The following GALNT2 variants were observed in gnomAD, a reference collection of about 807,000 sequenced individuals.
GALNT2 encodes the protein UDP-GalNAc:polypeptide N-acetylgalactosaminyltransferase 2.
GALNT2 carries 31 observed loss-of-function variants against 81.4 expected under a neutral mutation model. The observed-to-expected ratio is 0.38, with a 90% CI of 0.29 to 0.51. GALNT2 has a LOEUF of 0.51. GALNT2 is among the 20% of genes least tolerant of loss of function. GALNT2 has a pLI of 0.87. For missense variants in GALNT2, 629 were observed against 765.7 expected, an observed-to-expected ratio of 0.82 and a Z score of 2.11; for synonymous variants, 303 against 287.4, an observed-to-expected ratio of 1.05 and a Z score of -0.55.
chr1:230,232,195 C>G (rs894981461), intron 3 of GALNT2, among the ~76,000 whole-genome samples: 1 of 152,186 alleles, frequency 6.6e-6, no homozygotes, highest in East Asian at 1.9e-4. Flanking sequence ...CATGTACATA[C>G]ACACACTCAC....
At chr1:230,114,574 G>A (rs1352709969) in intron 1 of GALNT2, among the ~76,000 whole-genome samples, 7 of 152,218 alleles carry the variant, frequency 4.6e-5, no homozygotes, top group Non-Finnish European at 7.3e-5. Flanking sequence ...GGGAAACAGC[G>A]TTGGCGGTGG....
In GALNT2 at chr1:230,236,104, C is replaced by T. The variant is rs201748075; in HGVS notation, c.465C>T (p.Thr155=). 4.0e-5 allele frequency: 64 copies of T among 1,613,942 alleles called. 1 individual carries two copies. The Admixed American group carries it at 6.5e-4, about 16-fold the overall frequency. ...AAGCCAGGTCGGCCCTACTCAGGAC[C>T]GTGGTCAGGTGAGGCCAGGAGATGC... ...HNEARSALLR[T]VVSVLKKSPP... Residue 155 remains threonine, a synonymous_variant, in exon 4 of 16, where the codon ACC becomes ACT. Transcript: ENST00000366672.
chr1:230,238,122 A>G (rs1436595170), intron 6 of GALNT2, among the ~76,000 whole-genome samples: 1 of 152,238 alleles, frequency 6.6e-6, no homozygotes, highest in Non-Finnish European at 1.5e-5. Flanking sequence ...ATGAGAAAAT[A>G]TGTGCACACT....
intron 1 of GALNT2, among the ~76,000 whole-genome samples, chr1:230,081,230 C>T (rs1439201797): frequency 2.6e-5 from 4 of 152,164 alleles, no homozygotes; most frequent in African/African-American, 9.7e-5. Context: ...CATGAGGAAG[C>T]TGGTCAGGGT....
rs1405508370 is a variant in GALNT2, at chr1:230,251,298, C to T, written c.1009+738C>T. 2.6e-5 allele frequency among the ~76,000 whole-genome samples: 4 copies of T among 152,076 alleles called. No individual in the cohort carries two copies. In the South Asian group the frequency reaches 6.2e-4, roughly 24 times the overall value. ...CTGCTGAGTGTTGTTAACTTACATT[C>T]GTCCTTGGGTGAGTGTACCCTGGAG... On this transcript the variant is annotated intron_variant, in intron 10 of 15. Transcript: ENST00000366672.
In GALNT2 at chr1:230,200,018, TTTATTGATACATTTA is replaced by T. The variant is rs1558136801; in HGVS notation, c.221-3115_221-3101del. On this transcript the variant is annotated intron_variant, in intron 2 of 15. Transcript: ENST00000366672. Reference sequence around the variant, plus strand: ...CACCCTCAGAGCACTTAGCTCAGTTTTTATTGATACATTTATTAGTATGGTCATTTAATTCTTTTT... The same window carrying T: ...CACCCTCAGAGCACTTAGCTCAGTTTTTAGTATGGTCATTTAATTCTTTTT... Among the ~76,000 whole-genome samples, 23 of 152,282 alleles carry T rather than the reference TTTATTGATACATTTA, an allele frequency of 1.5e-4. No homozygotes were observed. In the South Asian group the frequency reaches 4.8e-3, roughly 32 times the overall value.
At chr1:230,114,620 G>A (rs1660793336) in intron 1 of GALNT2, among the ~76,000 whole-genome samples, 1 of 152,194 alleles carries the variant, frequency 6.6e-6, no homozygotes, top group Non-Finnish European at 1.5e-5. Flanking sequence ...GTAAGTCCTG[G>A]ATGCCACCCG....
rs563805457 is a variant in GALNT2 at position 230,246,384 on chromosome 1, C to G, written c.817+234C>G. On this transcript the variant is annotated intron_variant, in intron 8 of 15. Transcript: ENST00000366672. ...TCCCTTTCTCCTCTTCCTTGACCTT[C>G]TGTCACTTTTGCGAGCCATGTGGTT... Among the ~76,000 whole-genome samples, 7 of 152,352 alleles carry G rather than the reference C, an allele frequency of 4.6e-5. 1 individual carries two copies. In the South Asian group the frequency reaches 1.5e-3, roughly 32 times the overall value.
At chr1:230,250,362 AGGG>A in intron 9 of GALNT2, 92 bp from the exon 10 acceptor site, 1 of 835,996 alleles carries the variant, frequency 1.2e-6, no homozygotes, top group Non-Finnish European at 2.0e-6. Context: ...GCTTATTGTT[AGGG>A]AATCAAGGCT....
chr1:230,200,614 A>G (rs1204072638), intron 2 of GALNT2, among the ~76,000 whole-genome samples: 3 of 152,106 alleles, frequency 2.0e-5, no homozygotes, highest in Admixed American at 2.0e-4. Context: ...GAGCACAAAG[A>G]GATGTATGGG....
At chr1:230,098,656 G>A (rs535279907) in intron 1 of GALNT2, among the ~76,000 whole-genome samples, 4 of 152,088 alleles carry the variant, frequency 2.6e-5, no homozygotes, top group Non-Finnish European at 5.9e-5. Flanking sequence ...AAAGGGATAC[G>A]TAGGACAATT....
Position 230,142,063 on chromosome 1 carries a change from G to A in GALNT2, c.127-36155G>A, listed in dbSNP as rs566878208. ...CTGCCTTGGCCTCCCAAAGTGCTGG[G>A]ATTACAGGTTTGAGCTACCACCCCT... On this transcript the variant is annotated intron_variant, in intron 1 of 15. Coordinates refer to ENST00000366672, the MANE Select transcript of GALNT2 (RefSeq NM_004481.5). 2.0e-4 allele frequency among the ~76,000 whole-genome samples: 31 copies of A among 152,148 alleles called. 1 individual carries two copies. In the South Asian group the frequency reaches 6.2e-3, roughly 31 times the overall value.
intron 1 of GALNT2, among the ~76,000 whole-genome samples, chr1:230,093,980 G>A (rs77601109): frequency 6.0e-4 from 89 of 147,568 alleles, no homozygotes; most frequent in African/African-American, 1.8e-3. Context: ...TCTTAAATGA[G>A]GGTAATAATA....
chr1:230,185,271 T>C (rs1245800785), intron 2 of GALNT2, among the ~76,000 whole-genome samples: 1 of 137,968 alleles, frequency 7.2e-6, no homozygotes, highest in East Asian at 2.0e-4. Flanking sequence ...TGTGCGTGCG[T>C]GCGTGTGTGT....
At chr1:230,240,104 T>C (rs1195174873) in intron 6 of GALNT2, among the ~76,000 whole-genome samples, 1 of 152,266 alleles carries the variant, frequency 6.6e-6, no homozygotes, top group East Asian at 1.9e-4. Flanking sequence ...CCTCATATTT[T>C]CCATTTGTAG....
At position 230,225,901 on chromosome 1, in the gene GALNT2, C is replaced by T. The variant is rs561275988; in HGVS notation, c.375-10113C>T. On this transcript the variant is annotated intron_variant, in intron 3 of 15. Transcript: ENST00000366672. ...TCGAATTCAGATTCCCAGGTATCAC[C>T]CAGACCTACTTATTCAGAATGGGAT... Among the ~76,000 whole-genome samples, 3 of 152,252 alleles carry T rather than the reference C, an allele frequency of 2.0e-5. No homozygotes were observed. The South Asian group carries it at 6.2e-4, about 32-fold the overall frequency.
intron 3 of GALNT2, among the ~76,000 whole-genome samples, chr1:230,222,264 G>A (rs1664573871): frequency 6.6e-6 from 1 of 151,862 alleles, no homozygotes; most frequent in South Asian, 2.1e-4. Flanking sequence ...CTGACCTCGT[G>A]ATCCGCCCGC....
chr1:230,177,068 C>T (rs1021424295), intron 1 of GALNT2, among the ~76,000 whole-genome samples: 4 of 152,242 alleles, frequency 2.6e-5, no homozygotes, highest in African/African-American at 9.6e-5. Context: ...GAGTCTTAGG[C>T]ACAGTTTCTG....
intron 2 of GALNT2, among the ~76,000 whole-genome samples, chr1:230,195,627 T>C (rs1278204706): frequency 6.6e-6 from 1 of 152,096 alleles, no homozygotes; most frequent in Admixed American, 6.5e-5. Context: ...GAAGACCAGC[T>C]TTAGTAAGAG....
Sources: allele counts gnomAD v4.1 joint callset (sites outside exome capture counted in the v4.1 genomes callset), GRCh38; gene constraint gnomAD v4.1.1; transcripts MANE v1.5; gene names NCBI Gene and HGNC (gene_info 2026-07-23, HGNC 2026-07-21).